CEP112: variants seen among roughly 807,000 people sequenced by gnomAD.
CEP112 encodes the protein centrosomal protein of 112 kDa.
CEP112 carries 127 observed loss-of-function variants against 153.0 expected under a neutral mutation model. That is an observed-to-expected ratio of 0.83 (90% confidence interval 0.72 to 0.96). CEP112 has a LOEUF of 0.96. CEP112 is among the 40% of genes least tolerant of loss of function. The pLI is 0.00. For synonymous variants in CEP112, 358 were observed against 374.4 expected, an observed-to-expected ratio of 0.96 and a Z score of 0.51; for missense variants, 1,089 against 1,101.2, an observed-to-expected ratio of 0.99 and a Z score of 0.16.
intron 20 of CEP112, among the ~76,000 whole-genome samples, chr17:65,882,751 A>C (rs1390226544): frequency 6.6e-6 from 1 of 152,228 alleles, no homozygotes; most frequent in Non-Finnish European, 1.5e-5. Context: ...GTATGTTAAA[A>C]ATTTTGTGAG....
At chr17:66,106,014 C>A (rs1022327384) in intron 6 of CEP112, among the ~76,000 whole-genome samples, 2 of 151,966 alleles carry the variant, frequency 1.3e-5, no homozygotes, top group Non-Finnish European at 2.9e-5. Flanking sequence ...GAAAACTATA[C>A]AAACACATGG....
chr17:65,694,943 T>G (rs1202985880), intron 23 of CEP112, among the ~76,000 whole-genome samples: 1 of 152,204 alleles, frequency 6.6e-6, no homozygotes, highest in Non-Finnish European at 1.5e-5. Context: ...AAACCCAACT[T>G]GAACAGTTAA....
Position 65,663,950 on chromosome 17 carries a change from G to A in CEP112, c.2698-22885C>T, listed in dbSNP as rs2046541998. Among the ~76,000 whole-genome samples, 4 of 152,204 alleles carry A rather than the reference G, an allele frequency of 2.6e-5. No homozygotes were observed. The South Asian group carries it at 8.3e-4, about 31-fold the overall frequency. On this transcript the variant is annotated intron_variant, in intron 24 of 26. Coordinates refer to ENST00000535342, the MANE Select transcript of CEP112 (RefSeq NM_001199165.4). ...AGTCCCAGCTACTCGGCAGGCTGAGGCAGGAGAATGGCCTGAACCCGGGAG... is the reference window on the plus strand; with the variant it reads ...AGTCCCAGCTACTCGGCAGGCTGAGACAGGAGAATGGCCTGAACCCGGGAG...
chr17:66,051,138 C>T (rs1436834281), intron 12 of CEP112, among the ~76,000 whole-genome samples: 1 of 94,842 alleles, frequency 1.1e-5, no homozygotes, highest in African/African-American at 3.9e-5. Context: ...CCCCCCCGGG[C>T]CTAGCTAATT....
chr17:65,732,700 G>A lies in CEP112; in HGVS notation c.2607+10368C>T, dbSNP rs183833075. On this transcript the variant is annotated intron_variant, in intron 23 of 26. Transcript: ENST00000535342. ...GCTTCACCTTGCATTTTTATGTTAT[G>A]GAGATGGCTTCTTTCCTTAAACCTT... 7.2e-5 allele frequency among the ~76,000 whole-genome samples: 11 copies of A among 152,290 alleles called. No individual in the cohort carries two copies. The East Asian group carries it at 2.1e-3, about 29-fold the overall frequency.
chr17:66,070,512 AGT>A (rs1304316363), intron 8 of CEP112, among the ~76,000 whole-genome samples: 4 of 152,090 alleles, frequency 2.6e-5, no homozygotes, highest in Non-Finnish European at 4.4e-5. Flanking sequence ...ATCTTTCGAC[AGT>A]TTTTCAGTTC....
intron 24 of CEP112, among the ~76,000 whole-genome samples, chr17:65,671,623 T>C (rs959414384): frequency 1.3e-5 from 2 of 152,192 alleles, no homozygotes; most frequent in Non-Finnish European, 2.9e-5. Flanking sequence ...TATGTATATA[T>C]ATAGTATGTA....
intron 6 of CEP112, among the ~76,000 whole-genome samples, chr17:66,122,388 C>G (rs1332604700): frequency 6.6e-6 from 1 of 152,050 alleles, no homozygotes; most frequent in Non-Finnish European, 1.5e-5. Context: ...GAAAATTGGA[C>G]ATTTTAGGTA....
intron 6 of CEP112, among the ~76,000 whole-genome samples, chr17:66,107,026 A>T (rs1234613663): frequency 6.6e-6 from 1 of 152,180 alleles, no homozygotes; most frequent in Non-Finnish European, 1.5e-5. Flanking sequence ...TCATAACAAC[A>T]CAATGAAGGG....
intron 4 of CEP112, among the ~76,000 whole-genome samples, chr17:66,170,113 T>C (rs1410738943): frequency 2.0e-5 from 3 of 152,190 alleles, no homozygotes; most frequent in Non-Finnish European, 4.4e-5. Context: ...ACTGGCAAGA[T>C]GAAGTAATGT....
intron 19 of CEP112, among the ~76,000 whole-genome samples, chr17:65,919,631 CA>C (rs994395981): frequency 6.6e-6 from 1 of 152,034 alleles, no homozygotes; most frequent in African/African-American, 2.4e-5. Context: ...TCTAATCAGG[CA>C]GATGAACAGA....
chr17:66,063,847 A>C (rs2037282), intron 10 of CEP112, among the ~76,000 whole-genome samples: 143,871 of 152,240 alleles, frequency 0.95, 68,080 homozygotes, highest in East Asian at 0.98. Flanking sequence ...TAAACACACC[A>C]ACCTATATGC....
intron 20 of CEP112, among the ~76,000 whole-genome samples, chr17:65,876,004 C>T (rs985066555): frequency 6.6e-6 from 1 of 152,132 alleles, no homozygotes; most frequent in African/African-American, 2.4e-5. Context: ...TTCTTTCTCC[C>T]TTGCATTTTC....
chr17:65,801,964 T>C (rs1448610819), intron 21 of CEP112, among the ~76,000 whole-genome samples: 1 of 152,174 alleles, frequency 6.6e-6, no homozygotes, highest in Non-Finnish European at 1.5e-5. Context: ...TATTTTAGTA[T>C]GGCAACTCTG....
chr17:65,955,323 C>A (rs997973176), intron 18 of CEP112, among the ~76,000 whole-genome samples: 5 of 152,104 alleles, frequency 3.3e-5, no homozygotes, highest in African/African-American at 1.2e-4. Context: ...GGAGAGAATT[C>A]GCCAATACAA....
chr17:65,766,052 G>T, intron 21 of CEP112, among the ~76,000 whole-genome samples: 1 of 148,724 alleles, frequency 6.7e-6, no homozygotes, highest in African/African-American at 2.5e-5. Context: ...TTCAAAATAA[G>T]AAAAGGAAAC....
In CEP112 at chr17:66,124,473, T is replaced by C. The variant is rs189682527; in HGVS notation, c.642+5273A>G. ...CATGAAGAGAGGTTTCTTTTATCTG[T>C]TGATCCAGCCAAACAGATGGGCGCT... On this transcript the variant is annotated intron_variant, in intron 6 of 26. Transcript: ENST00000535342. Among the ~76,000 whole-genome samples, 29 of 152,312 alleles carry C rather than the reference T, an allele frequency of 1.9e-4. No homozygotes were observed. The East Asian group carries it at 2.9e-3, about 15-fold the overall frequency.
intron 17 of CEP112, among the ~76,000 whole-genome samples, chr17:65,985,125 G>C (rs988665534): frequency 1.3e-5 from 2 of 152,164 alleles, no homozygotes; most frequent in Non-Finnish European, 2.9e-5. Flanking sequence ...AAGAAAGAGA[G>C]AGAAGCCGCA....
chr17:65,960,042 A>G (rs1400777623), intron 18 of CEP112, among the ~76,000 whole-genome samples: 1 of 152,188 alleles, frequency 6.6e-6, no homozygotes, highest in Non-Finnish European at 1.5e-5. Flanking sequence ...AGTCAGATTC[A>G]AACATGAAAC....
Sources: gnomAD v4.1 joint callset for allele counts (sites outside exome capture counted in the v4.1 genomes callset) on GRCh38, gnomAD v4.1.1 for gene constraint, MANE v1.5 for transcripts, NCBI Gene and HGNC (gene_info 2026-07-23, HGNC 2026-07-21) for gene names.